Variants in KCNJ6 observed in about 807,000 individuals in gnomAD.
KCNJ6 encodes G protein-activated inward rectifier potassium channel 2.
In KCNJ6, 9 loss-of-function variants were observed where a neutral mutation model predicts 34.2. That is an observed-to-expected ratio of 0.26 (90% CI 0.16 to 0.46). The LOEUF is 0.46. KCNJ6 is among the 20% of genes least tolerant of loss of function. The probability of loss-of-function intolerance (pLI) is 1.00; values close to 1 mark genes in which losing one functional copy is unlikely to be tolerated. For synonymous variants in KCNJ6, 196 were observed against 207.1 expected (o/e 0.95, Z 0.46); for missense variants, 236 against 531.3 (o/e 0.44, Z 5.46).
At chr21:37,799,931 T>C (rs182601093) in intron 2 of KCNJ6, among the ~76,000 whole-genome samples, 1 of 152,302 alleles carries the variant, frequency 6.6e-6, no homozygotes, top group Admixed American at 6.5e-5. Context: ...CAAAAATTCC[T>C]ACAAAAAACT....
intron 3 of KCNJ6, among the ~76,000 whole-genome samples, chr21:37,706,477 CTT>C (rs2054720236): frequency 6.6e-6 from 1 of 152,222 alleles, no homozygotes; most frequent in Admixed American, 6.5e-5. Context: ...GGCCCTGTCT[CTT>C]GTTTTTCCCT....
chr21:37,787,804 T>C lies in KCNJ6; in HGVS notation c.25+52854A>G, dbSNP rs2055199276. On this transcript the variant is annotated intron_variant, in intron 2 of 3. Transcript: ENST00000609713. ...TTAGAAAGAACTGGAAAAGGAAGTA[T>C]GAGAAATATTAATTAAAGTTACAAG... Among the ~76,000 whole-genome samples the C allele has an allele frequency of 2.0e-5, 3 of 152,132 alleles. No individual in the cohort carries two copies. The South Asian group carries it at 6.2e-4, about 31-fold the overall frequency.
At chr21:37,897,448 A>C (rs2055794490) in intron 1 of KCNJ6, among the ~76,000 whole-genome samples, 2 of 152,128 alleles carry the variant, frequency 1.3e-5, no homozygotes. Context: ...ACCACACAAC[A>C]CTTTCTTTCT....
At chr21:37,882,887 T>C (rs8134927) in intron 1 of KCNJ6, among the ~76,000 whole-genome samples, 52,261 of 152,198 alleles carry the variant, frequency 0.34, 11,749 homozygotes, top group East Asian at 0.68. Context: ...GTCATAGGGC[T>C]TGTGTGTGCG....
rs374851611 is a variant in KCNJ6 at position 37,809,389 on chromosome 21, G to C, written c.25+31269C>G. Among the ~76,000 whole-genome samples, 10 of 151,902 alleles carry C rather than the reference G, an allele frequency of 6.6e-5. No homozygotes were observed. The East Asian group carries it at 7.7e-4, about 12-fold the overall frequency. On this transcript the variant is annotated intron_variant, in intron 2 of 3. Coordinates refer to ENST00000609713, the MANE Select transcript of KCNJ6 (RefSeq NM_002240.5). ...GGGGCCTGTTGTGGGGTGGGGAGAG[G>C]GGGGAGGGATAGCATTAGGAGATAT...
At position 37,675,429 on chromosome 21, in the gene KCNJ6, C is replaced by T. The variant is rs1485965886; in HGVS notation, c.946+38782G>A. ...CACGCGCTCGCTGCGTCTTTCAGGG[C>T]TGCAGGTACGGTGCGGGTTTCTGGT... is the stretch of plus-strand genomic sequence containing the variant. On this transcript the variant is annotated intron_variant, in intron 3 of 3. Transcript: ENST00000609713. This position sits in a 1 kb window ranked among gnomAD's most constrained non-coding sequence, Gnocchi z 4.2. Among the ~76,000 whole-genome samples, 2 of 122,890 alleles carry T rather than the reference C, an allele frequency of 1.6e-5. No homozygotes were observed. The highest frequency in any genetic ancestry group is 6.4e-5 in the African/African-American group (2 of 31,018). The allele number at this position is 122,890 out of a possible 152,430, so 80.6% of individuals were successfully genotyped here.
chr21:37,665,637 C>G (rs1485237444), intron 3 of KCNJ6, among the ~76,000 whole-genome samples: 1 of 152,188 alleles, frequency 6.6e-6, no homozygotes, highest in Non-Finnish European at 1.5e-5. Context: ...TTTCCTTCCT[C>G]TCTCAGTGGA....
intron 2 of KCNJ6, among the ~76,000 whole-genome samples, chr21:37,832,655 C>T (rs1259381870): frequency 2.0e-5 from 3 of 152,136 alleles, no homozygotes; most frequent in Admixed American, 6.5e-5. Flanking sequence ...CCATCCTGGT[C>T]TGTCTGTCCT....
chr21:37,853,393 A>G (rs75882765), intron 1 of KCNJ6, among the ~76,000 whole-genome samples: 22,735 of 113,074 alleles, frequency 0.2, 1,819 homozygotes, highest in African/African-American at 0.36. Context: ...AACCACTGGG[A>G]AAAAAAACAT....
At chr21:37,869,364 C>G (rs2055638966) in intron 1 of KCNJ6, among the ~76,000 whole-genome samples, 1 of 152,170 alleles carries the variant, frequency 6.6e-6, no homozygotes, top group African/African-American at 2.4e-5. Flanking sequence ...AGAAATAATC[C>G]AAGAGGTGTT....
At chr21:37,894,360 T>C (rs764290384) in intron 1 of KCNJ6, among the ~76,000 whole-genome samples, 1 of 152,154 alleles carries the variant, frequency 6.6e-6, no homozygotes, top group Non-Finnish European at 1.5e-5. Context: ...AAACACTAAC[T>C]TACAGCATAA....
intron 3 of KCNJ6, among the ~76,000 whole-genome samples, chr21:37,663,551 A>C (rs957709730): frequency 5.3e-5 from 8 of 152,232 alleles, no homozygotes; most frequent in Non-Finnish European, 1.0e-4. Context: ...AATAATAGGA[A>C]GGGATATATC....
At chr21:37,733,622 A>AAAAAGTG in intron 2 of KCNJ6, among the ~76,000 whole-genome samples, 1 of 152,196 alleles carries the variant, frequency 6.6e-6, no homozygotes, top group Non-Finnish European at 1.5e-5. Context: ...TTTTAGGATA[A>AAAAAGTG]AATAAGAAAT....
At chr21:37,893,231 G>A (rs1480652803) in intron 1 of KCNJ6, among the ~76,000 whole-genome samples, 1 of 151,248 alleles carries the variant, frequency 6.6e-6, no homozygotes, top group Non-Finnish European at 1.5e-5. Flanking sequence ...TTTTGGAGAT[G>A]GAGTCTCACG....
chr21:37,700,966 C>T (rs1341882285), intron 3 of KCNJ6, among the ~76,000 whole-genome samples: 3 of 152,112 alleles, frequency 2.0e-5, no homozygotes, highest in Middle Eastern at 3.2e-3. Flanking sequence ...AGGTCATTTC[C>T]GACCTGGGCA....
At chr21:37,759,646 C>T (rs1427252142) in intron 2 of KCNJ6, among the ~76,000 whole-genome samples, 1 of 152,208 alleles carries the variant, frequency 6.6e-6, no homozygotes, top group African/African-American at 2.4e-5. Flanking sequence ...CACTGTTGGT[C>T]TTCTCCATAG....
chr21:37,837,201 T>G (rs1370470885), intron 2 of KCNJ6, among the ~76,000 whole-genome samples: 2 of 152,214 alleles, frequency 1.3e-5, no homozygotes, highest in African/African-American at 4.8e-5. Context: ...CTTCTCCATT[T>G]TTTTTCTTAT....
intron 1 of KCNJ6, among the ~76,000 whole-genome samples, chr21:37,881,990 G>A (rs1232316662): frequency 6.6e-6 from 1 of 152,060 alleles, no homozygotes. Context: ...AACATTATAG[G>A]GCTTCTGTGT....
rs2054264611 is a variant in KCNJ6 at position 37,615,794 on chromosome 21, T to C, written c.*9365A>G. On this transcript the variant is annotated 3_prime_UTR_variant, in exon 4 of 4. Coordinates refer to ENST00000609713, the MANE Select transcript of KCNJ6 (RefSeq NM_002240.5). ...AATCTTCTAGGCAGAATTTATTTAG[T>C]GTTAAGAAAATGGCAACTCTTTGGA... 6.6e-6 allele frequency: 1 copy of C among 152,202 alleles called. No homozygotes were observed. The highest frequency in any genetic ancestry group is 6.5e-5 in the Admixed American group (1 of 15,288). 9.4% of individuals were successfully genotyped at this position (152,202 alleles called of 1,614,324 possible).
Sources: allele counts gnomAD v4.1 joint callset (sites outside exome capture counted in the v4.1 genomes callset), GRCh38; gene constraint gnomAD v4.1.1; non-coding constraint Gnocchi (gnomAD v3.1); transcripts MANE v1.5; gene names NCBI Gene and HGNC (gene_info 2026-07-23, HGNC 2026-07-21).